The following TDRD7 variants were observed in gnomAD, a reference collection of about 807,000 sequenced individuals.
TDRD7 encodes tudor domain containing 7.
TDRD7 carries 47 observed loss-of-function variants against 109.8 expected under a neutral mutation model. That is an observed-to-expected ratio of 0.43 (90% confidence interval 0.34 to 0.55). TDRD7 has a LOEUF of 0.55. Among genes scored for constraint, TDRD7 ranks in the 20% least tolerant of loss-of-function variants. The pLI is 0.03. For missense variants in TDRD7, 1,164 were observed against 1,319.2 expected (o/e 0.88, Z 1.82); for synonymous variants, 424 against 457.3 (o/e 0.93, Z 0.93).
At chr9:97,433,882 T>C (rs1828150513) in intron 4 of TDRD7, among the ~76,000 whole-genome samples, 1 of 152,072 alleles carries the variant, frequency 6.6e-6, no homozygotes, top group African/African-American at 2.4e-5. Context: ...CTGGTAAGGA[T>C]GTGGAGAAAA....
intron 1 of TDRD7, among the ~76,000 whole-genome samples, chr9:97,413,565 GTGTTTACTATATAA>G (rs1019243437): frequency 2.0e-5 from 3 of 152,208 alleles, no homozygotes; most frequent in African/African-American, 7.2e-5. Flanking sequence ...AAAGATCTTT[GTGTTTACTATATAA>G]TATAAATGGG....
chr9:97,418,430 G>A (rs1016864741), intron 1 of TDRD7, among the ~76,000 whole-genome samples: 1 of 152,122 alleles, frequency 6.6e-6, no homozygotes, highest in African/African-American at 2.4e-5. Flanking sequence ...TAAAGAGGGT[G>A]GGACTAGAGA....
intron 13 of TDRD7, among the ~76,000 whole-genome samples, chr9:97,478,972 G>A (rs62557549): frequency 1.3e-5 from 2 of 151,542 alleles, no homozygotes; most frequent in African/African-American, 2.4e-5. Context: ...TCATTTTCTC[G>A]GTGACTTCCC....
intron 1 of TDRD7, among the ~76,000 whole-genome samples, chr9:97,422,117 C>T (rs976471074): frequency 2.0e-5 from 3 of 152,024 alleles, no homozygotes; most frequent in Middle Eastern, 3.2e-3. Flanking sequence ...TTTACTAGGC[C>T]GGAGGTGGCT....
chr9:97,495,158 G>A (rs923759003), intron 16 of TDRD7, among the ~76,000 whole-genome samples: 5 of 152,160 alleles, frequency 3.3e-5, no homozygotes, highest in African/African-American at 1.2e-4. Flanking sequence ...TAGAGGAAAA[G>A]CTGGGAATAG....
chr9:97,414,497 A>T (rs1827779987), intron 1 of TDRD7, among the ~76,000 whole-genome samples: 1 of 152,250 alleles, frequency 6.6e-6, no homozygotes, highest in East Asian at 1.9e-4. Flanking sequence ...TCCTTGTGAA[A>T]AAAAGAGACC....
chr9:97,448,329 C>T (rs1351506365), intron 6 of TDRD7, among the ~76,000 whole-genome samples: 1 of 152,160 alleles, frequency 6.6e-6, no homozygotes, highest in Non-Finnish European at 1.5e-5. Flanking sequence ...CACCGGCTGC[C>T]CTTGCATGTT....
At chr9:97,436,313 T>C (rs970531725) in intron 4 of TDRD7, among the ~76,000 whole-genome samples, 3 of 152,174 alleles carry the variant, frequency 2.0e-5, no homozygotes, top group African/African-American at 7.2e-5. Context: ...AAAAATCTAT[T>C]TATGTTTTAA....
intron 13 of TDRD7, 155 bp from the exon 14 acceptor site, chr9:97,480,673 A>G (rs1829100847): frequency 4.3e-6 from 3 of 702,858 alleles, no homozygotes; most frequent in Non-Finnish European, 7.8e-6. Flanking sequence ...AACATAGCAG[A>G]TGCTCAAACC....
chr9:97,472,515 T>G lies in TDRD7; in HGVS notation c.1944+20T>G. The stretch of plus-strand genomic sequence containing the variant: ...CTGCAGGTACCACTGTGATCACTGT[T>G]GTTGCTTGTTACACATTTTGTATGA... On this transcript the variant is annotated intron_variant, in intron 10 of 16. Coordinates refer to ENST00000355295, the MANE Select transcript of TDRD7 (RefSeq NM_014290.3). 3 of 1,591,616 alleles carry G rather than the reference T, an allele frequency of 1.9e-6. No individual in the cohort carries two copies. Among genetic ancestry groups the G allele is most frequent in the Non-Finnish European group, 2.6e-6 (3 of 1,159,922 alleles).
rs761857305 is a variant in TDRD7, at chr9:97,483,014, C to T, written c.2578C>T (p.Pro860Ser). The T allele has an allele frequency of 1.6e-5, 26 of 1,614,176 alleles. No individual in the cohort carries two copies. In the South Asian group the frequency reaches 2.7e-4, roughly 17 times the overall value. Reference protein sequence around the residue: ...LSAISSGADSPNSKNGNMPMS... With the variant: ...LSAISSGADSSNSKNGNMPMS... ...TGCCATATCCAGTGGAGCTGACTCTCCCAACAGCAAAAATGGCAACATGCC... is the reference window on the plus strand; with the variant it reads ...TGCCATATCCAGTGGAGCTGACTCTTCCAACAGCAAAAATGGCAACATGCC... Residue 860 changes from proline (P) to serine (S), a missense_variant, in exon 15 of 17, where the codon CCC becomes TCC. By Grantham distance (74) the Pro-to-Ser change is moderately conservative. Around this residue, in one of 5 missense-constraint regions of TDRD7, gnomAD observed 233 missense variants for 218.0 expected, o/e 1.07. Transcript: ENST00000355295.
At position 97,487,694 on chromosome 9, in the gene TDRD7, A is replaced by T. The variant is rs564363851; in HGVS notation, c.3076+362A>T. On this transcript the variant is annotated intron_variant, in intron 16 of 16. Coordinates refer to ENST00000355295, the MANE Select transcript of TDRD7 (RefSeq NM_014290.3). ...TTTATGGTTGTCCTACTTGTTTTTAATGGGTGCAAAAATTCTATCTAATCA... is the reference window on the plus strand; with the variant it reads ...TTTATGGTTGTCCTACTTGTTTTTATTGGGTGCAAAAATTCTATCTAATCA... Among the ~76,000 whole-genome samples the T allele has an allele frequency of 9.3e-5, 14 of 151,182 alleles. No homozygotes were observed. In the East Asian group the frequency reaches 2.9e-3, roughly 31 times the overall value.
intron 6 of TDRD7, among the ~76,000 whole-genome samples, chr9:97,444,653 A>G (rs1337141338): frequency 6.6e-6 from 1 of 152,208 alleles, no homozygotes; most frequent in Non-Finnish European, 1.5e-5. Flanking sequence ...TTGTCTCTCT[A>G]TATGGCTTGT....
At chr9:97,493,509 T>TCACAGGAC (rs1829340298) in intron 16 of TDRD7, among the ~76,000 whole-genome samples, 2 of 152,178 alleles carry the variant, frequency 1.3e-5, no homozygotes, top group Admixed American at 6.5e-5. Context: ...CAGGGCGAGA[T>TCACAGGAC]CACAGGACCA....
chr9:97,460,155 T>C (rs1424856893), intron 6 of TDRD7, 23 bp from the exon 7 acceptor site: 1 of 1,602,400 alleles, frequency 6.2e-7, no homozygotes, highest in South Asian at 1.1e-5. Flanking sequence ...ATATCTGTCA[T>C]TTGCTTTATT....
At chr9:97,434,427 T>C (rs1166373741) in intron 4 of TDRD7, among the ~76,000 whole-genome samples, 1 of 152,144 alleles carries the variant, frequency 6.6e-6, no homozygotes, top group Non-Finnish European at 1.5e-5. Flanking sequence ...TCTGTTGTAT[T>C]TCATGGTGAC....
intron 14 of TDRD7, among the ~76,000 whole-genome samples, 175 bp from the exon 15 acceptor site, chr9:97,482,674 G>T (rs539089605): frequency 1.5e-4 from 23 of 151,980 alleles, no homozygotes; most frequent in Admixed American, 5.2e-4. Flanking sequence ...AGACTATTTT[G>T]ACTTCAGAGC....
intron 15 of TDRD7, among the ~76,000 whole-genome samples, chr9:97,484,394 C>G (rs1044388784): frequency 1.3e-4 from 20 of 152,106 alleles, no homozygotes; most frequent in African/African-American, 4.8e-4. Context: ...CATCCTGTTC[C>G]TTTGCCAGCT....
intron 12 of TDRD7, among the ~76,000 whole-genome samples, chr9:97,475,971 C>G (rs1829011256): frequency 6.6e-6 from 1 of 152,190 alleles, no homozygotes; most frequent in Non-Finnish European, 1.5e-5. Context: ...TGATTGAACA[C>G]TATTAATATG....
Sources: allele counts gnomAD v4.1 joint callset (sites outside exome capture counted in the v4.1 genomes callset), GRCh38; gene constraint gnomAD v4.1.1; regional missense constraint gnomAD v4.1.1; transcripts MANE v1.5; gene names NCBI Gene and HGNC (gene_info 2026-07-23, HGNC 2026-07-21).